KCNIP4: variants seen among roughly 807,000 people sequenced by gnomAD.
The protein encoded by KCNIP4 is Kv channel-interacting protein 4.
KCNIP4 carries 12 observed loss-of-function variants against 34.0 expected under a neutral mutation model. The ratio of observed to expected loss-of-function variants is 0.35; its 90% CI spans 0.23 to 0.57. The LOEUF (loss-of-function observed/expected upper bound fraction) is 0.57, where lower values mean the gene tolerates loss of function less well. Among genes scored for constraint, KCNIP4 ranks in the 20% least tolerant of loss-of-function variants. The pLI, the probability that KCNIP4 is intolerant of heterozygous loss-of-function variation, is 0.83. For synonymous variants in KCNIP4, 124 were observed against 102.2 expected (o/e 1.21, Z -1.29); for missense variants, 238 against 311.7 (o/e 0.76, Z 1.78).
chr4:21,592,593 GT>G (rs1437887091), intron 1 of KCNIP4, among the ~76,000 whole-genome samples: 21 of 152,130 alleles, frequency 1.4e-4, no homozygotes, highest in Admixed American at 1.4e-3. Context: ...GTTCATAGTT[GT>G]TTGTATTCCA....
intron 1 of KCNIP4, among the ~76,000 whole-genome samples, chr4:21,630,493 T>G (rs1280438395): frequency 6.6e-6 from 1 of 151,962 alleles, no homozygotes; most frequent in African/African-American, 2.4e-5. Context: ...GAATCCCATT[T>G]TCTTCTCTAT....
intron 1 of KCNIP4, among the ~76,000 whole-genome samples, chr4:21,763,790 T>C (rs1377582278): frequency 1.3e-5 from 2 of 152,180 alleles, no homozygotes; most frequent in Non-Finnish European, 2.9e-5. Flanking sequence ...ATCTTCCTTT[T>C]TGTTGAAAAA....
At chr4:21,623,985 A>G (rs1191207503) in intron 1 of KCNIP4, among the ~76,000 whole-genome samples, 1 of 151,968 alleles carries the variant, frequency 6.6e-6, no homozygotes, top group African/African-American at 2.4e-5. Flanking sequence ...GGTGATATAT[A>G]TACTGTATAC....
rs536249718 is a variant in KCNIP4, at chr4:21,632,426, T to C, written c.61+316145A>G. ...TTTTTTTGTTTTGGGGGTTTCACCA[T>C]GTTGCCCAGGCTGTTCTCGAACTCC... On this transcript the variant is annotated intron_variant, in intron 1 of 8. Transcript: ENST00000382152. Among the ~76,000 whole-genome samples, 21 of 152,242 alleles carry C rather than the reference T, an allele frequency of 1.4e-4. 1 individual carries two copies. The highest frequency in any genetic ancestry group is 1.4e-3 in the Admixed American group (21 of 15,286).
At chr4:21,901,497 C>T (rs1578126618) in intron 1 of KCNIP4, among the ~76,000 whole-genome samples, 1 of 152,148 alleles carries the variant, frequency 6.6e-6, no homozygotes, top group Non-Finnish European at 1.5e-5. Flanking sequence ...CATGTGCCCA[C>T]ACCCCATGAG....
chr4:21,179,644 G>A (rs1241616390), intron 1 of KCNIP4, among the ~76,000 whole-genome samples: 2 of 152,178 alleles, frequency 1.3e-5, no homozygotes, highest in Non-Finnish European at 2.9e-5. Flanking sequence ...GCACATGTGG[G>A]TGTTATGCAT....
At chr4:20,890,008 G>A (rs1725760366) in intron 1 of KCNIP4, among the ~76,000 whole-genome samples, 1 of 151,826 alleles carries the variant, frequency 6.6e-6, no homozygotes, top group Admixed American at 6.6e-5. Flanking sequence ...TGGCTACATA[G>A]AAAAAAAATC....
intron 1 of KCNIP4, among the ~76,000 whole-genome samples, chr4:21,340,852 T>C (rs1716691257): frequency 6.6e-6 from 1 of 152,120 alleles, no homozygotes. Context: ...CAGCTCCGTA[T>C]ATTACACAGT....
intron 1 of KCNIP4, among the ~76,000 whole-genome samples, chr4:21,477,532 A>G (rs1731086912): frequency 6.6e-6 from 1 of 152,182 alleles, no homozygotes; most frequent in African/African-American, 2.4e-5. Flanking sequence ...CAGCTTACTG[A>G]TAAGCGTATC....
chr4:20,843,248 G>T (rs974186991), intron 3 of KCNIP4, among the ~76,000 whole-genome samples: 42 of 151,984 alleles, frequency 2.8e-4, no homozygotes, highest in Admixed American at 9.9e-4. Flanking sequence ...TAACATTTTT[G>T]TCAAAATAAT....
chr4:21,802,847 A>T (rs1248118495), intron 1 of KCNIP4, among the ~76,000 whole-genome samples: 7 of 152,160 alleles, frequency 4.6e-5, no homozygotes, highest in Non-Finnish European at 1.0e-4. Flanking sequence ...TTGCACCCCA[A>T]CTTTCATTCC....
intron 2 of KCNIP4, among the ~76,000 whole-genome samples, chr4:20,857,280 G>C (rs1173568402): frequency 6.6e-6 from 1 of 152,018 alleles, no homozygotes; most frequent in East Asian, 1.9e-4. Flanking sequence ...CAAACTATGG[G>C]GAGCACGGCA....
At chr4:21,032,073 C>A (rs1435714979) in intron 1 of KCNIP4, among the ~76,000 whole-genome samples, 1 of 152,194 alleles carries the variant, frequency 6.6e-6, no homozygotes, top group Non-Finnish European at 1.5e-5. Context: ...CACACCAAGA[C>A]ATGGCAGATG....
intron 1 of KCNIP4, among the ~76,000 whole-genome samples, chr4:21,119,767 A>G (rs1396755619): frequency 6.6e-6 from 1 of 152,024 alleles, no homozygotes; most frequent in African/African-American, 2.4e-5. Context: ...GAATGAGCAC[A>G]AAGTAATTAG....
chr4:21,221,681 T>C (rs1353704775), intron 1 of KCNIP4, among the ~76,000 whole-genome samples: 2 of 152,100 alleles, frequency 1.3e-5, no homozygotes, highest in Non-Finnish European at 2.9e-5. Context: ...AGCCTAACCA[T>C]ATCAGAGCAT....
At chr4:21,464,277 T>C (rs1327159837) in intron 1 of KCNIP4, among the ~76,000 whole-genome samples, 2 of 152,040 alleles carry the variant, frequency 1.3e-5, no homozygotes, top group African/African-American at 4.8e-5. Flanking sequence ...TTTTTATAGT[T>C]TTTTAAGTTG....
At chr4:21,756,689 G>A (rs746896995) in intron 1 of KCNIP4, among the ~76,000 whole-genome samples, 1 of 151,972 alleles carries the variant, frequency 6.6e-6, no homozygotes, top group Non-Finnish European at 1.5e-5. Flanking sequence ...AATCTACCTT[G>A]ATATCTCTGA....
intron 1 of KCNIP4, among the ~76,000 whole-genome samples, chr4:20,926,835 C>T (rs1729946849): frequency 6.6e-6 from 1 of 152,158 alleles, no homozygotes; most frequent in Non-Finnish European, 1.5e-5. Flanking sequence ...AACTTAGTTT[C>T]TCTTGCTCAA....
intron 4 of KCNIP4, among the ~76,000 whole-genome samples, chr4:20,751,583 G>A (rs1476887594): frequency 6.6e-6 from 1 of 152,042 alleles, no homozygotes. Flanking sequence ...GCTTCATTAA[G>A]CAAGTCTCTA....
Sources: gnomAD v4.1 joint callset for allele counts (sites outside exome capture counted in the v4.1 genomes callset) on GRCh38, gnomAD v4.1.1 for gene constraint, MANE v1.5 for transcripts, NCBI Gene and HGNC (gene_info 2026-07-23, HGNC 2026-07-21) for gene names.